The following ADARB2 variants were observed in gnomAD, a reference collection of about 807,000 sequenced individuals.
ADARB2 encodes inactive double-stranded RNA-specific editase B2.
A neutral mutation model predicts 62.2 loss-of-function variants in ADARB2; 25 were observed. That is an observed-to-expected ratio of 0.40 (90% CI 0.29 to 0.56). The LOEUF (loss-of-function observed/expected upper bound fraction) is 0.56, where lower values mean the gene tolerates loss of function less well. Among genes scored for constraint, ADARB2 ranks in the 20% least tolerant of loss-of-function variants. ADARB2 has a pLI of 0.43. For missense variants in ADARB2, 1,071 were observed against 1,077.4 expected, an observed-to-expected ratio of 0.99 and a Z score of 0.08; for synonymous variants, 572 against 500.8, an observed-to-expected ratio of 1.14 and a Z score of -1.90.
chr10:1,378,468 C>T (rs1330347896), intron 2 of ADARB2, among the ~76,000 whole-genome samples: 1 of 152,222 alleles, frequency 6.6e-6, no homozygotes, highest in Non-Finnish European at 1.5e-5. Flanking sequence ...GGAATAATTT[C>T]TCAGTCCCAG....
chr10:1,541,990 T>C (rs368272747), intron 1 of ADARB2, among the ~76,000 whole-genome samples: 11 of 27,358 alleles, frequency 4.0e-4, no homozygotes, highest in East Asian at 2.2e-3. Flanking sequence ...CACTCAGACG[T>C]AGTTCAGACC....
intron 1 of ADARB2, among the ~76,000 whole-genome samples, chr10:1,706,563 T>C (rs1011619487): frequency 2.0e-4 from 30 of 152,226 alleles, no homozygotes; most frequent in African/African-American, 6.8e-4. Context: ...GTATTTTCGG[T>C]ACCTTTTGAT....
At position 1,687,819 on chromosome 10, in the gene ADARB2, A is replaced by C. The variant is rs563244496; in HGVS notation, c.100+49232T>G. ...TCACACCCTTGCTGGCCGGGGGGGA[A>C]AACCACCCACCATGTGCCTCCACTC... On this transcript the variant is annotated intron_variant, in intron 1 of 9. Coordinates refer to ENST00000381312, the MANE Select transcript of ADARB2 (RefSeq NM_018702.4). Among the ~76,000 whole-genome samples the C allele has an allele frequency of 4.5e-4, 69 of 151,930 alleles. 1 individual carries two copies. Among genetic ancestry groups the C allele is most frequent in the Non-Finnish European group, 7.6e-4 (52 of 68,016 alleles).
chr10:1,199,744 A>G (rs546561513), intron 8 of ADARB2: 87 of 485,460 alleles, frequency 1.8e-4, no homozygotes, highest in African/African-American at 1.6e-3. Flanking sequence ...GCACCATCAC[A>G]CAATCACGAA....
chr10:1,518,673 G>A lies in ADARB2; in HGVS notation c.101-139513C>T, dbSNP rs539874698. On this transcript the variant is annotated intron_variant, in intron 1 of 9. Coordinates refer to ENST00000381312, the MANE Select transcript of ADARB2 (RefSeq NM_018702.4). ...TGGTATTGCCATATGCAAGTATTCC[G>A]TGTAAAGTCTGTACACAAAGTGGTC... Among the ~76,000 whole-genome samples, 444 of 149,448 alleles carry A rather than the reference G, an allele frequency of 3.0e-3. 1 individual carries two copies. The highest frequency in any genetic ancestry group is 9.0e-3 in the African/African-American group (363 of 40,454).
intron 1 of ADARB2, among the ~76,000 whole-genome samples, chr10:1,498,532 C>T (rs1831721705): frequency 6.6e-6 from 1 of 151,606 alleles, no homozygotes; most frequent in Non-Finnish European, 1.5e-5. Context: ...AAGAGAAATT[C>T]CTAGGATACA....
intron 1 of ADARB2, among the ~76,000 whole-genome samples, chr10:1,413,006 G>T (rs1056970459): frequency 6.6e-6 from 1 of 152,148 alleles, no homozygotes; most frequent in African/African-American, 2.4e-5. Flanking sequence ...GGGTGGATGG[G>T]CCCTCGGGCT....
chr10:1,575,779 G>C (rs1039970212), intron 1 of ADARB2, among the ~76,000 whole-genome samples: 1 of 152,164 alleles, frequency 6.6e-6, no homozygotes, highest in African/African-American at 2.4e-5. Flanking sequence ...AGAGCCTGGC[G>C]GTTTGGCTCT....
At chr10:1,509,124 A>G (rs1831890549) in intron 1 of ADARB2, among the ~76,000 whole-genome samples, 2 of 152,288 alleles carry the variant, frequency 1.3e-5, no homozygotes, top group East Asian at 1.9e-4. Context: ...ACTGCGTGCC[A>G]TGCCCTCGGT....
intron 1 of ADARB2, among the ~76,000 whole-genome samples, chr10:1,489,651 C>A (rs1831595089): frequency 6.6e-6 from 1 of 152,180 alleles, no homozygotes; most frequent in African/African-American, 2.4e-5. Flanking sequence ...AATTATTAGG[C>A]AGAAGACACC....
chr10:1,555,241 G>A lies in ADARB2; in HGVS notation c.101-176081C>T, dbSNP rs956471384. Among the ~76,000 whole-genome samples the A allele has an allele frequency of 2.6e-5, 4 of 152,094 alleles. No individual in the cohort carries two copies. In the South Asian group the frequency reaches 6.2e-4, roughly 24 times the overall value. ...CTTTCGGATATATATCCCAGTAATCGGACAGCTGACTCAAATGGCAGTTGT... is the reference window on the plus strand; with the variant it reads ...CTTTCGGATATATATCCCAGTAATCAGACAGCTGACTCAAATGGCAGTTGT... On this transcript the variant is annotated intron_variant, in intron 1 of 9. Coordinates refer to ENST00000381312, the MANE Select transcript of ADARB2 (RefSeq NM_018702.4).
At chr10:1,692,492 A>G (rs1834686405) in intron 1 of ADARB2, among the ~76,000 whole-genome samples, 1 of 152,198 alleles carries the variant, frequency 6.6e-6, no homozygotes, top group South Asian at 2.1e-4. Context: ...TCCCAAATTC[A>G]GCAGGGATAG....
intron 3 of ADARB2, among the ~76,000 whole-genome samples, chr10:1,315,076 A>G (rs958985478): frequency 2.6e-5 from 4 of 152,182 alleles, no homozygotes; most frequent in Non-Finnish European, 4.4e-5. Context: ...CTGGGCAGGG[A>G]GCCCTGAGTT....
chr10:1,622,638 C>A (rs187240792), intron 1 of ADARB2, among the ~76,000 whole-genome samples: 162 of 152,260 alleles, frequency 1.1e-3, no homozygotes, highest in African/African-American at 3.7e-3. Flanking sequence ...CAGCTATATA[C>A]CCTCTAGAAT....
At chr10:1,247,648 A>C (rs957619627) in intron 4 of ADARB2, among the ~76,000 whole-genome samples, 2 of 152,092 alleles carry the variant, frequency 1.3e-5, no homozygotes, top group Non-Finnish European at 2.9e-5. Context: ...GCTCAGTAGC[A>C]GTTGAAGACT....
chr10:1,585,340 G>C (rs918784234), intron 1 of ADARB2, among the ~76,000 whole-genome samples: 1 of 152,142 alleles, frequency 6.6e-6, no homozygotes, highest in Admixed American at 6.5e-5. Context: ...GAACTGCATC[G>C]GACAAACCTG....
chr10:1,673,314 A>ATGTGTGTGTGTGTGTGTGTG (rs66687699), intron 1 of ADARB2, among the ~76,000 whole-genome samples: 98 of 149,696 alleles, frequency 6.5e-4, no homozygotes, highest in East Asian at 3.5e-3. Flanking sequence ...ATTTCATTTT[A>ATGTGTGTGTGTGTGTGTGTG]TGTGTGTGTG....
At chr10:1,380,450 C>T (rs1327213660) in intron 1 of ADARB2, among the ~76,000 whole-genome samples, 1 of 152,252 alleles carries the variant, frequency 6.6e-6, no homozygotes, top group African/African-American at 2.4e-5. Context: ...GGTGCCCCAC[C>T]GTGGCACTGT....
In ADARB2 at chr10:1,177,504, G is replaced by T. The variant is rs1040334858; in HGVS notation, c.*5689C>A. 4.6e-5 allele frequency: 7 copies of T among 151,712 alleles called. No homozygotes were observed. Among genetic ancestry groups the T allele is most frequent in the African/African-American group, 1.7e-4 (7 of 41,264 alleles). The allele number at this position is 151,712 out of a possible 1,614,324, so 9.4% of individuals were successfully genotyped here. ...ATTGCCATTCTATCATGCTTTTTAT[G>T]TACATACCTTCAATTAGAATTACTA... On this transcript the variant is annotated 3_prime_UTR_variant, in exon 10 of 10. Transcript: ENST00000381312.
Sources: gnomAD v4.1 joint callset for allele counts (sites outside exome capture counted in the v4.1 genomes callset) on GRCh38, gnomAD v4.1.1 for gene constraint, MANE v1.5 for transcripts, NCBI Gene and HGNC (gene_info 2026-07-23, HGNC 2026-07-21) for gene names.